EML5: variants seen among roughly 807,000 people sequenced by gnomAD.
EML5 encodes the protein echinoderm microtubule-associated protein-like 5.
EML5 carries 120 observed loss-of-function variants against 250.0 expected under a neutral mutation model. The observed-to-expected ratio is 0.48, with a 90% CI of 0.41 to 0.56. The LOEUF (loss-of-function observed/expected upper bound fraction) is 0.56, where lower values mean the gene tolerates loss of function less well. Ranked by LOEUF, EML5 falls within the 20% of genes least tolerant of loss-of-function variation. EML5 has a pLI of 0.00. For missense variants in EML5, 2,006 were observed against 2,437.6 expected, an observed-to-expected ratio of 0.82 and a Z score of 3.73; for synonymous variants, 771 against 806.5, an observed-to-expected ratio of 0.96 and a Z score of 0.75.
At chr14:88,659,403 G>A (rs919247188) in intron 25 of EML5, among the ~76,000 whole-genome samples, 4 of 151,982 alleles carry the variant, frequency 2.6e-5, no homozygotes, top group African/African-American at 9.7e-5. Context: ...ATAGAGACGG[G>A]GTTTCACCAT....
chr14:88,713,735 C>T (rs1209067676), intron 9 of EML5, among the ~76,000 whole-genome samples: 1 of 151,296 alleles, frequency 6.6e-6, no homozygotes, highest in African/African-American at 2.4e-5. Flanking sequence ...GGATTACAGG[C>T]GTGAGGCACT....
intron 33 of EML5, among the ~76,000 whole-genome samples, chr14:88,633,462 A>G (rs1182490268): frequency 6.6e-6 from 1 of 152,110 alleles, no homozygotes; most frequent in East Asian, 1.9e-4. Flanking sequence ...ACTGTGCCTT[A>G]AAAGTGTGAT....
At chr14:88,750,318 T>C (rs1306951780) in intron 2 of EML5, among the ~76,000 whole-genome samples, 2 of 152,142 alleles carry the variant, frequency 1.3e-5, no homozygotes, top group Non-Finnish European at 2.9e-5. Flanking sequence ...AGAATCAACA[T>C]ATACACTATT....
chr14:88,736,696 C>G (rs1272993919), intron 6 of EML5, 131 bp from the exon 7 acceptor site: 5 of 806,784 alleles, frequency 6.2e-6, no homozygotes, highest in Non-Finnish European at 9.7e-6. Flanking sequence ...CAGTTTAAAG[C>G]CTGAAAGCCA....
In EML5 at chr14:88,792,236, A is replaced by T; in HGVS notation, c.197+71T>A. The T allele has an allele frequency of 6.6e-7, 1 of 1,517,236 alleles. No individual in the cohort carries two copies. Among genetic ancestry groups the T allele is most frequent in the Non-Finnish European group, 8.8e-7 (1 of 1,131,456 alleles). The allele number at this position is 1,517,236 out of a possible 1,614,324, so 94.0% of individuals were successfully genotyped here. ...CCGTGCAGGAGCGGTCACGGCGTCC[A>T]GAGGAACCCGCGGGTGCAAACTCCG... is the stretch of plus-strand genomic sequence containing the variant. On this transcript the variant is annotated intron_variant, in intron 1 of 43. Coordinates refer to ENST00000554922, the MANE Select transcript of EML5 (RefSeq NM_183387.3). The surrounding 1 kb of genome is among the most constrained non-coding windows in gnomAD (Gnocchi z 6.9).
At chr14:88,639,376 G>C (rs1004888080) in intron 31 of EML5, among the ~76,000 whole-genome samples, 1 of 152,164 alleles carries the variant, frequency 6.6e-6, no homozygotes, top group Non-Finnish European at 1.5e-5. Flanking sequence ...GAAGAAAGAT[G>C]AGTAACATGG....
At chr14:88,680,528 C>T (rs1286668024) in intron 21 of EML5, among the ~76,000 whole-genome samples, 3 of 151,720 alleles carry the variant, frequency 2.0e-5, no homozygotes, top group Non-Finnish European at 4.4e-5. Context: ...CAGTGGTTCT[C>T]GATGGTAGCA....
intron 36 of EML5, chr14:88,623,282 G>C (rs1242000034): frequency 6.6e-6 from 1 of 152,164 alleles, no homozygotes; most frequent in Non-Finnish European, 1.5e-5. Flanking sequence ...CTCCCAAAGT[G>C]CTGGGATTCC....
At chr14:88,702,903 C>T (rs370088178) in intron 13 of EML5, among the ~76,000 whole-genome samples, 51 of 152,182 alleles carry the variant, frequency 3.4e-4, no homozygotes, top group South Asian at 1.0e-3. Context: ...TACTGCTGTG[C>T]GCCACCATGC....
chr14:88,651,589 G>A (rs2091629795), intron 27 of EML5, among the ~76,000 whole-genome samples: 1 of 151,758 alleles, frequency 6.6e-6, no homozygotes, highest in African/African-American at 2.4e-5. Flanking sequence ...GAAATTTATG[G>A]GAATGTCTAG....
intron 31 of EML5, 63 bp downstream of exon 31, chr14:88,642,830 T>C (rs1197885449): frequency 3.4e-6 from 5 of 1,486,228 alleles, no homozygotes; most frequent in Non-Finnish European, 4.5e-6. Flanking sequence ...GATTTTAAGC[T>C]GCTAGATCAA....
At chr14:88,617,078 T>C in intron 41 of EML5, 199 bp from the exon 42 acceptor site, 1 of 460,072 alleles carries the variant, frequency 2.2e-6, no homozygotes, top group Non-Finnish European at 3.9e-6. Context: ...CATTTTATAA[T>C]TTGAAGGGTT....
In EML5 at chr14:88,664,555, T is replaced by C; in HGVS notation, c.3347A>G (p.Lys1116Arg). Residue 1116 changes from lysine (K) to arginine (R), a missense_variant, in exon 23 of 44, where the codon AAA (lysine) becomes AGA (arginine). By Grantham distance (26) the Lys-to-Arg change is conservative (BLOSUM62 2). Around this residue, in one of 7 missense-constraint regions of EML5, gnomAD observed 1,375 missense variants for 1,590.3 expected, o/e 0.86. Coordinates refer to ENST00000554922, the MANE Select transcript of EML5 (RefSeq NM_183387.3). ...FIDIYNVMSS[K>R]RVGICKGATS... ...AGCTCCTTTGCATATTCCTACTCGT[T>C]TACTACTCATTACATTGTATATATC... The C allele has an allele frequency of 6.2e-7, 1 of 1,611,392 alleles. No homozygotes were observed. Among genetic ancestry groups the C allele is most frequent in the Non-Finnish European group, 8.5e-7 (1 of 1,178,856 alleles).
intron 27 of EML5, among the ~76,000 whole-genome samples, chr14:88,651,039 C>T (rs1054641538): frequency 6.6e-6 from 1 of 151,866 alleles, no homozygotes; most frequent in Non-Finnish European, 1.5e-5. Context: ...ATTATCTCCT[C>T]ACAAATATTC....
intron 1 of EML5, among the ~76,000 whole-genome samples, chr14:88,759,698 A>AAAACAAAAAAAAAAAC: frequency 7.0e-6 from 1 of 142,112 alleles, no homozygotes; most frequent in Non-Finnish European, 1.5e-5. Flanking sequence ...AAAAAAAAAA[A>AAAACAAAAAAAAAAAC]AAAAAACTGG....
intron 30 of EML5, among the ~76,000 whole-genome samples, chr14:88,643,437 C>T (rs2091177297): frequency 6.6e-6 from 1 of 152,060 alleles, no homozygotes; most frequent in Admixed American, 6.6e-5. Flanking sequence ...ATGTATACAG[C>T]ATTTACACTG....
intron 2 of EML5, among the ~76,000 whole-genome samples, chr14:88,753,460 TA>T (rs1244447820): frequency 6.6e-6 from 1 of 152,238 alleles, no homozygotes; most frequent in Non-Finnish European, 1.5e-5. Flanking sequence ...TTGAGGTCTA[TA>T]AAACTAATTT....
intron 10 of EML5, among the ~76,000 whole-genome samples, chr14:88,709,730 C>G (rs1182018796): frequency 6.6e-6 from 1 of 152,166 alleles, no homozygotes; most frequent in Non-Finnish European, 1.5e-5. Flanking sequence ...TTTGAGAAAC[C>G]TGCATTTAAT....
Position 88,712,380 on chromosome 14 carries a change from T to C in EML5, c.1548A>G (p.Ser516=). The C allele has an allele frequency of 6.2e-7, 1 of 1,613,600 alleles. No homozygotes were observed. The highest frequency in any genetic ancestry group is 1.1e-5 in the South Asian group (1 of 91,068). Residue 516 remains serine (S), a synonymous_variant, in exon 10 of 44, where the codon TCA becomes TCG. Transcript: ENST00000554922. ...CTACTGAATTTATATCGTTGATATC[T>C]GAATACTTGGGCCAAATTCCATTTA... ...LEVNGIWPKY[S]DINDINSVDG... is the part of the protein sequence containing the mutation.
Sources: gnomAD v4.1 joint callset for allele counts (sites outside exome capture counted in the v4.1 genomes callset) on GRCh38, gnomAD v4.1.1 for gene constraint, gnomAD v4.1.1 regional missense constraint, Gnocchi (gnomAD v3.1) non-coding constraint, MANE v1.5 for transcripts, NCBI Gene and HGNC (gene_info 2026-07-23, HGNC 2026-07-21) for gene names.